Variants in AOPEP observed in about 807,000 individuals in gnomAD.
AOPEP encodes the protein aminopeptidase O.
AOPEP carries 77 observed loss-of-function variants against 98.1 expected under a neutral mutation model. The ratio of observed to expected loss-of-function variants is 0.78; its 90% CI spans 0.65 to 0.95. The LOEUF (loss-of-function observed/expected upper bound fraction) is 0.95, where lower values mean the gene tolerates loss of function less well. Ranked by LOEUF, AOPEP falls within the 40% of genes least tolerant of loss-of-function variation. The probability of loss-of-function intolerance (pLI) is 0.00; values close to 1 mark genes in which losing one functional copy is unlikely to be tolerated. For missense variants in AOPEP, 1,024 were observed against 1,024.7 expected, an observed-to-expected ratio of 1.00 and a Z score of 0.01; for synonymous variants, 346 against 365.3, an observed-to-expected ratio of 0.95 and a Z score of 0.60.
In AOPEP at chr9:94,860,728, T is replaced by C. The variant is rs188212507; in HGVS notation, c.1364+59726T>C. Among the ~76,000 whole-genome samples the C allele has an allele frequency of 5.6e-3, 849 of 152,228 alleles. 4 individuals carry two copies. Among genetic ancestry groups the C allele is most frequent in the Non-Finnish European group, 7.6e-3 (515 of 68,010 alleles). ...GATGGATGGGTGCTCCATTGACTAA[T>C]GTGGGGAGGACAGGAAGAGGAGCAG... On this transcript the variant is annotated intron_variant, in intron 5 of 16. Coordinates refer to ENST00000375315, the MANE Select transcript of AOPEP (RefSeq NM_001193329.3).
chr9:94,919,792 G>C (rs2077235714), intron 5 of AOPEP, among the ~76,000 whole-genome samples: 1 of 152,084 alleles, frequency 6.6e-6, no homozygotes, highest in African/African-American at 2.4e-5. Flanking sequence ...TGCTGCTCAT[G>C]ATTATAAGAC....
chr9:95,045,647 C>G (rs1295548344), intron 13 of AOPEP, among the ~76,000 whole-genome samples: 3 of 152,222 alleles, frequency 2.0e-5, no homozygotes, highest in Admixed American at 6.5e-5. Flanking sequence ...GATTGCTGTA[C>G]AGCAGCTGCC....
rs766933174 is a variant in AOPEP at position 95,082,557 on chromosome 9, G to T, written c.2320-18G>T. ...CCCACACCTTCGCCTGATGCCCTTTGGCCTCTGTGCCCTGCAGGCCATGGG... is the reference window on the plus strand; with the variant it reads ...CCCACACCTTCGCCTGATGCCCTTTTGCCTCTGTGCCCTGCAGGCCATGGG... On this transcript the variant is annotated intron_variant, in intron 15 of 16. Transcript: ENST00000375315. The T allele has an allele frequency of 2.5e-6, 4 of 1,613,462 alleles. No homozygotes were observed. Among genetic ancestry groups the T allele is most frequent in the Non-Finnish European group, 3.4e-6 (4 of 1,179,696 alleles).
At chr9:95,109,188 AG>A in the AOPEP span, among the ~76,000 whole-genome samples, 1 of 152,230 alleles carries the variant, frequency 6.6e-6, no homozygotes, top group African/African-American at 2.4e-5. Context: ...CTGAGATTAC[AG>A]GCATGAACCA....
At chr9:94,923,402 T>C (rs1311916069) in intron 5 of AOPEP, among the ~76,000 whole-genome samples, 2 of 152,228 alleles carry the variant, frequency 1.3e-5, no homozygotes, top group Non-Finnish European at 2.9e-5. Context: ...TGGAAAAGCT[T>C]GGCCTTACAC....
chr9:94,951,318 T>G (rs1003996237), intron 7 of AOPEP, among the ~76,000 whole-genome samples: 1 of 152,212 alleles, frequency 6.6e-6, no homozygotes, highest in Non-Finnish European at 1.5e-5. Flanking sequence ...GGTTCTCCAC[T>G]TAGTACTTGG....
At chr9:95,085,962 G>A (rs1303672752) in intron 16 of AOPEP, 6 of 1,348,438 alleles carry the variant, frequency 4.4e-6, no homozygotes, top group South Asian at 1.2e-5. Flanking sequence ...GCCAGCAGAC[G>A]GTGCCCACGG....
At chr9:94,756,752 A>G (rs2132371273) in intron 1 of AOPEP, among the ~76,000 whole-genome samples, 1 of 152,080 alleles carries the variant, frequency 6.6e-6, no homozygotes, top group Non-Finnish European at 1.5e-5. Flanking sequence ...TGCTCTGCTC[A>G]TCTCCTCCCT....
the AOPEP span, among the ~76,000 whole-genome samples, chr9:95,132,693 T>A: frequency 6.6e-6 from 1 of 152,156 alleles, no homozygotes; most frequent in Non-Finnish European, 1.5e-5. Context: ...AGATGTTAAA[T>A]ACATACATAG....
chr9:94,926,617 C>G (rs1336770914), intron 6 of AOPEP, among the ~76,000 whole-genome samples: 3 of 152,186 alleles, frequency 2.0e-5, no homozygotes, highest in Non-Finnish European at 1.5e-5. Context: ...CTCAGACCGT[C>G]CAGGGAGTGG....
At chr9:95,080,852 C>A in intron 15 of AOPEP, 72 bp downstream of exon 15, 1 of 967,492 alleles carries the variant, frequency 1.0e-6, no homozygotes, top group Non-Finnish European at 1.7e-6. Flanking sequence ...AATCCACGTT[C>A]TCAGTATCTC....
In AOPEP at chr9:94,760,045, A is replaced by G. The variant is rs768213104; in HGVS notation, c.262A>G (p.Arg88Gly). 1.1e-5 allele frequency: 17 copies of G among 1,614,262 alleles called. No homozygotes were observed. In the Admixed American group the frequency reaches 2.7e-4, roughly 25 times the overall value. ...CTGCCATATTCCCGTGACAAATGCA[A>G]GGACCTTCTCATCTGAAATGGAATA... ...EPCHIPVTNA[R>G]TFSSEMEYND... is the part of the protein sequence containing the mutation. Residue 88 changes from arginine (R) to glycine (G), a missense_variant, in exon 2 of 17, where the codon AGG becomes GGG. Arg to Gly is a moderately radical substitution (Grantham distance 125). Coordinates refer to ENST00000375315, the MANE Select transcript of AOPEP (RefSeq NM_001193329.3).
intron 5 of AOPEP, among the ~76,000 whole-genome samples, chr9:94,857,604 T>C (rs2044380053): frequency 6.6e-6 from 1 of 152,170 alleles, no homozygotes. Flanking sequence ...TTAAAATTTA[T>C]ATTTCTACCT....
the AOPEP span, chr9:95,123,793 C>T: frequency 1.4e-6 from 1 of 697,566 alleles, no homozygotes; most frequent in Non-Finnish European, 2.7e-6. Flanking sequence ...CTTGTGAAGC[C>T]CACAAGGACT....
At chr9:94,809,253 A>T (rs1048995189) in intron 5 of AOPEP, among the ~76,000 whole-genome samples, 1 of 152,148 alleles carries the variant, frequency 6.6e-6, no homozygotes, top group South Asian at 2.1e-4. Flanking sequence ...CTTAAAAGAG[A>T]TTCTTTACTG....
intron 14 of AOPEP, among the ~76,000 whole-genome samples, chr9:95,075,683 C>G (rs1239226237): frequency 6.6e-6 from 1 of 151,136 alleles, no homozygotes; most frequent in Admixed American, 6.6e-5. Context: ...GAGTTTGAGA[C>G]CAGCCTGGGC....
chr9:94,891,031 G>A (rs2048819316), intron 5 of AOPEP, among the ~76,000 whole-genome samples: 2 of 152,224 alleles, frequency 1.3e-5, no homozygotes. Context: ...ATTGCTGAAA[G>A]CAGGGTACTG....
At chr9:94,929,517 G>T (rs1013018685) in intron 7 of AOPEP, among the ~76,000 whole-genome samples, 6 of 152,278 alleles carry the variant, frequency 3.9e-5, no homozygotes, top group Admixed American at 2.6e-4. Context: ...AGTTCCCTGC[G>T]CTTGCACGCT....
intron 5 of AOPEP, among the ~76,000 whole-genome samples, chr9:94,902,856 G>T (rs1267857936): frequency 6.6e-6 from 1 of 151,876 alleles, no homozygotes; most frequent in Non-Finnish European, 1.5e-5. Context: ...GGGAGTTTGA[G>T]ACCAGCCTGA....
Sources: allele counts gnomAD v4.1 joint callset (sites outside exome capture counted in the v4.1 genomes callset), GRCh38; gene constraint gnomAD v4.1.1; transcripts MANE v1.5; gene names NCBI Gene and HGNC (gene_info 2026-07-23, HGNC 2026-07-21).